SFMBT1: variants seen among roughly 807,000 people sequenced by gnomAD.
The protein encoded by SFMBT1 is scm-like with four MBT domains protein 1.
A neutral mutation model predicts 108.7 loss-of-function variants in SFMBT1; 32 were observed. That is an observed-to-expected ratio of 0.29 (90% CI 0.22 to 0.40). The LOEUF is 0.40. Among genes scored for constraint, SFMBT1 ranks in the 10% least tolerant of loss-of-function variants. SFMBT1 has a pLI of 1.00. For missense variants in SFMBT1, 816 were observed against 1,059.6 expected (o/e 0.77, Z 3.19); for synonymous variants, 348 against 369.5 (o/e 0.94, Z 0.67).
chr3:52,990,931 G>A (rs1705101118), intron 1 of SFMBT1, among the ~76,000 whole-genome samples: 2 of 152,132 alleles, frequency 1.3e-5, no homozygotes, highest in Non-Finnish European at 2.9e-5. Context: ...TTCAAATGAT[G>A]AGTAATGAAG....
At chr3:52,985,253 GA>G (rs960519275) in intron 1 of SFMBT1, among the ~76,000 whole-genome samples, 1 of 152,168 alleles carries the variant, frequency 6.6e-6, no homozygotes, top group African/African-American at 2.4e-5. Flanking sequence ...GTTCAGTTAT[GA>G]AAAGACTTGA....
intron 6 of SFMBT1, among the ~76,000 whole-genome samples, 183 bp from the exon 7 acceptor site, chr3:52,931,218 C>CA (rs1262809164): frequency 6.6e-6 from 1 of 152,160 alleles, no homozygotes; most frequent in African/African-American, 2.4e-5. Context: ...TTGCTCTATG[C>CA]AGAGCCTGGA....
intron 1 of SFMBT1, among the ~76,000 whole-genome samples, chr3:53,033,983 C>T (rs1575452180): frequency 6.9e-6 from 1 of 145,166 alleles, no homozygotes. Context: ...GGCAGGAGAA[C>T]TGCTTGAACC....
intron 2 of SFMBT1, among the ~76,000 whole-genome samples, chr3:52,956,188 G>T (rs962014611): frequency 6.6e-6 from 1 of 152,180 alleles, no homozygotes; most frequent in Non-Finnish European, 1.5e-5. Context: ...TAGGCTGGGC[G>T]TGGTAGCTCA....
intron 2 of SFMBT1, among the ~76,000 whole-genome samples, chr3:52,954,806 T>C (rs1162454538): frequency 6.6e-6 from 1 of 152,106 alleles, no homozygotes; most frequent in African/African-American, 2.4e-5. Context: ...AACTTGATCC[T>C]TTCTTAGTAC....
At chr3:53,024,925 TATAAGAATATAAAGTATAC>T (rs1699437296) in intron 1 of SFMBT1, among the ~76,000 whole-genome samples, 1 of 152,218 alleles carries the variant, frequency 6.6e-6, no homozygotes, top group Non-Finnish European at 1.5e-5. Context: ...GGCCATTATA[TATAAGAATATAAAGTATAC>T]AATGACTTTA....
In SFMBT1 at chr3:53,002,082, A is replaced by G. The variant is rs140933694; in HGVS notation, c.-130-32824T>C. On this transcript the variant is annotated intron_variant, in intron 1 of 20. Coordinates refer to ENST00000394752, the MANE Select transcript of SFMBT1 (RefSeq NM_016329.4). ...CTACATATTGTGCCATTTCTGAATT[A>G]TAACAAAAGCAAGAGAGCTTAGAAA... Among the ~76,000 whole-genome samples, 98 of 150,322 alleles carry G rather than the reference A, an allele frequency of 6.5e-4. 3 individuals are homozygous for G. The highest frequency in any genetic ancestry group is 2.0e-3 in the African/African-American group (84 of 41,418).
At chr3:52,987,925 A>G (rs1294252248) in intron 1 of SFMBT1, among the ~76,000 whole-genome samples, 1 of 152,242 alleles carries the variant, frequency 6.6e-6, no homozygotes, top group Non-Finnish European at 1.5e-5. Flanking sequence ...GGAATGGAAT[A>G]ACACTGAATT....
intron 1 of SFMBT1, among the ~76,000 whole-genome samples, chr3:53,001,471 C>T (rs1045679982): frequency 2.7e-5 from 4 of 149,960 alleles, no homozygotes; most frequent in African/African-American, 9.7e-5. Context: ...ATTCTTACAT[C>T]CTCAGGTCAT....
chr3:52,975,477 C>A (rs1704486826), intron 1 of SFMBT1, among the ~76,000 whole-genome samples: 1 of 152,022 alleles, frequency 6.6e-6, no homozygotes, highest in Non-Finnish European at 1.5e-5. Context: ...TAGCTTGAGC[C>A]CAGGAGTTGC....
chr3:53,028,159 C>T (rs1309886571), intron 1 of SFMBT1, among the ~76,000 whole-genome samples: 1 of 152,172 alleles, frequency 6.6e-6, no homozygotes, highest in African/African-American at 2.4e-5. Flanking sequence ...GGCTCGAACA[C>T]AGCTCACTTG....
chr3:53,035,566 A>G (rs1445220767), intron 1 of SFMBT1, among the ~76,000 whole-genome samples: 2 of 152,232 alleles, frequency 1.3e-5, no homozygotes, highest in African/African-American at 4.8e-5. Flanking sequence ...TCATGTTGGT[A>G]GAATAGCAAC....
chr3:52,930,267 C>T (rs1461955983), intron 8 of SFMBT1, 62 bp downstream of exon 8: 2 of 996,438 alleles, frequency 2.0e-6, no homozygotes, highest in East Asian at 2.4e-5. Context: ...CAAAACACTA[C>T]CCATTTCCTA....
At chr3:52,985,731 G>A (rs988226995) in intron 1 of SFMBT1, among the ~76,000 whole-genome samples, 5 of 152,244 alleles carry the variant, frequency 3.3e-5, no homozygotes, top group Admixed American at 6.5e-5. Context: ...TAGGCTATAC[G>A]GTGTAGCCTA....
intron 1 of SFMBT1, among the ~76,000 whole-genome samples, chr3:52,985,198 T>C (rs903942824): frequency 1.3e-5 from 2 of 152,210 alleles, no homozygotes; most frequent in African/African-American, 2.4e-5. Flanking sequence ...TGTCAAAACA[T>C]ACCAATTCCA....
At chr3:52,972,744 A>AACAC (rs55859723) in intron 1 of SFMBT1, among the ~76,000 whole-genome samples, 8,600 of 95,060 alleles carry the variant, frequency 0.09, 698 homozygotes, top group South Asian at 0.15. Context: ...ATCTCTACTA[A>AACAC]ACACACACAC....
At chr3:52,957,346 T>A (rs1250496042) in intron 2 of SFMBT1, among the ~76,000 whole-genome samples, 1 of 152,180 alleles carries the variant, frequency 6.6e-6, no homozygotes, top group Non-Finnish European at 1.5e-5. Context: ...TGGAAAAACA[T>A]TCCATGCTCA....
intron 1 of SFMBT1, among the ~76,000 whole-genome samples, chr3:52,971,222 C>T (rs1426479271): frequency 3.3e-5 from 5 of 151,912 alleles, no homozygotes; most frequent in Admixed American, 6.6e-5. Flanking sequence ...ATCTGATACG[C>T]TACCGTATTA....
At chr3:52,945,418 G>C (rs574638665) in intron 3 of SFMBT1, among the ~76,000 whole-genome samples, 12 of 151,750 alleles carry the variant, frequency 7.9e-5, no homozygotes, top group Non-Finnish European at 1.5e-4. Context: ...TTAGGGGAGA[G>C]GGGACAGATC....
Sources: allele counts gnomAD v4.1 joint callset (sites outside exome capture counted in the v4.1 genomes callset), GRCh38; gene constraint gnomAD v4.1.1; transcripts MANE v1.5; gene names NCBI Gene and HGNC (gene_info 2026-07-23, HGNC 2026-07-21).